ZC3H12B: variants seen among roughly 807,000 people sequenced by gnomAD.
ZC3H12B encodes zinc finger CCCH-type containing 12B, also known as probable ribonuclease ZC3H12B.
A neutral mutation model predicts 43.9 loss-of-function variants in ZC3H12B; 7 were observed. The observed-to-expected ratio is 0.16, with a 90% CI of 0.09 to 0.30. ZC3H12B has a LOEUF of 0.30. Among genes scored for constraint, ZC3H12B ranks in the 10% least tolerant of loss-of-function variants. ZC3H12B has a pLI of 1.00. For synonymous variants in ZC3H12B, 222 were observed against 241.7 expected, an observed-to-expected ratio of 0.92 and a Z score of 0.76; for missense variants, 475 against 670.2, an observed-to-expected ratio of 0.71 and a Z score of 3.22.
chrX:65,289,625 G>A, the ZC3H12B span, among the ~76,000 whole-genome samples: 1 of 109,309 alleles, frequency 9.1e-6, no homozygotes, highest in Non-Finnish European at 1.9e-5. Flanking sequence ...AAAACAGCAT[G>A]GTATTGGTAA....
the ZC3H12B span, among the ~76,000 whole-genome samples, chrX:65,169,098 C>T: frequency 9.0e-6 from 1 of 111,358 alleles, no homozygotes; most frequent in Non-Finnish European, 1.9e-5. Context: ...TTTGCTCTTG[C>T]TTCTCTGGTT....
chrX:65,254,198 A>G, the ZC3H12B span, among the ~76,000 whole-genome samples: 1 of 112,201 alleles, frequency 8.9e-6, no homozygotes, highest in Non-Finnish European at 1.9e-5. Flanking sequence ...GCCCCATGCC[A>G]CCATGCCACT....
At chrX:65,216,860 A>G in the ZC3H12B span, among the ~76,000 whole-genome samples, 1 of 111,838 alleles carries the variant, frequency 8.9e-6, no homozygotes, top group Admixed American at 9.5e-5. Flanking sequence ...GCCATAAGAG[A>G]ATATGTTGCC....
chrX:65,435,362 G>A (rs1458437529), intron 3 of ZC3H12B, among the ~76,000 whole-genome samples: 2 of 111,600 alleles, frequency 1.8e-5, no homozygotes, highest in Non-Finnish European at 3.8e-5. Context: ...ATCATATACA[G>A]AGTCACTAAG....
the ZC3H12B span, among the ~76,000 whole-genome samples, chrX:65,144,247 G>A: frequency 9.0e-6 from 1 of 111,100 alleles, no homozygotes; most frequent in African/African-American, 3.3e-5. Context: ...TCTCTTCTAG[G>A]TTTTCTAGTT....
At chrX:65,426,573 C>G (rs1478662994) in intron 3 of ZC3H12B, among the ~76,000 whole-genome samples, 1 of 110,068 alleles carries the variant, frequency 9.1e-6, no homozygotes, top group Non-Finnish European at 1.9e-5. Context: ...AGGTTGTTAA[C>G]GAGATCTTTC....
intron 3 of ZC3H12B, chrX:65,407,959 G>A (rs1484611792): frequency 1.2e-6 from 1 of 848,594 alleles, no homozygotes; most frequent in Non-Finnish European, 1.6e-6. Flanking sequence ...GCCTGCGTGC[G>A]TGGCCACCTC....
At chrX:65,496,779 A>G (rs2068288622) in intron 1 of ZC3H12B, among the ~76,000 whole-genome samples, 1 of 109,831 alleles carries the variant, frequency 9.1e-6, no homozygotes, top group African/African-American at 3.3e-5. Flanking sequence ...AACATGGCAA[A>G]ACCCCGTCTC....
rs181215086 is a variant in ZC3H12B at position 65,496,157 on chromosome X, G to A, written c.609-975G>A. 3.3e-4 allele frequency among the ~76,000 whole-genome samples: 37 copies of A among 111,745 alleles called. 1 individual carries two copies. Among genetic ancestry groups the A allele is most frequent in the Admixed American group, 3.0e-3 (32 of 10,501 alleles). On this transcript the variant is annotated intron_variant, in intron 1 of 4. Transcript: ENST00000338957. ...TACATAGGTTTTCTTCTACAAAATC[G>A]GTGTTACATTATATATAGTCTGTAT...
the ZC3H12B span, among the ~76,000 whole-genome samples, chrX:65,309,218 G>T: frequency 5.8e-3 from 622 of 107,954 alleles, 7 homozygotes; most frequent in African/African-American, 0.019. Flanking sequence ...TGTTTTTTTT[G>T]AAAAGATCAA....
chrX:65,080,891 GAATC>G, the ZC3H12B span, among the ~76,000 whole-genome samples: 4 of 111,303 alleles, frequency 3.6e-5, no homozygotes, highest in South Asian at 1.1e-3. Context: ...ACTAAATGAT[GAATC>G]AATCATAAAT....
At chrX:65,499,911 C>T in exon 4 of ZC3H12B, 4 of 1,210,918 alleles carry the variant, frequency 3.3e-6, no homozygotes, top group South Asian at 1.8e-5. Flanking sequence ...TCCATTAGGA[C>T]GCCACGGCCC....
At chrX:65,206,864 G>A in the ZC3H12B span, among the ~76,000 whole-genome samples, 172 of 110,737 alleles carry the variant, frequency 1.6e-3, 2 homozygotes, top group African/African-American at 5.6e-3. Flanking sequence ...GAGACAATTT[G>A]CAAAAGAAGA....
At chrX:65,358,805 C>T in the ZC3H12B span, among the ~76,000 whole-genome samples, 252 of 111,685 alleles carry the variant, frequency 2.3e-3, 2 homozygotes, top group African/African-American at 7.6e-3. Context: ...AATTCAAAAG[C>T]TAGCAGAAGG....
chrX:65,235,397 T>C, the ZC3H12B span, among the ~76,000 whole-genome samples: 2 of 111,778 alleles, frequency 1.8e-5, no homozygotes, highest in African/African-American at 6.5e-5. Flanking sequence ...TTTACTGGCA[T>C]GAGATCCTAC....
the ZC3H12B span, among the ~76,000 whole-genome samples, chrX:65,303,796 C>T: frequency 8.0e-5 from 9 of 112,154 alleles, no homozygotes; most frequent in Admixed American, 6.6e-4. Flanking sequence ...TTTACAATAG[C>T]ATAAAAATTA....
the ZC3H12B span, among the ~76,000 whole-genome samples, chrX:65,316,464 AC>A: frequency 5.3e-5 from 6 of 112,179 alleles, no homozygotes; most frequent in African/African-American, 1.9e-4. Flanking sequence ...TTCAACAGAA[AC>A]CTAATAAGCC....
chrX:65,372,013 G>A (rs753131916), intron 2 of ZC3H12B, among the ~76,000 whole-genome samples: 8 of 111,627 alleles, frequency 7.2e-5, no homozygotes, highest in South Asian at 3.7e-4. Flanking sequence ...CTTGTTATTC[G>A]TGTCATAGCA....
Position 65,380,102 on chromosome X carries a change from A to G in ZC3H12B, n.295+11104A>G, listed in dbSNP as rs557099391. On this transcript the variant is annotated intron_variant and non_coding_transcript_variant, in intron 2 of 5. Coordinates refer to the ZC3H12B transcript ENST00000617377. ...CCAACATTCAGATTCAGGAAATACAAAGAACGCCACAAAGATACTCCTTGA... is the reference window on the plus strand; with the variant it reads ...CCAACATTCAGATTCAGGAAATACAGAGAACGCCACAAAGATACTCCTTGA... Among the ~76,000 whole-genome samples the G allele has an allele frequency of 1.9e-4, 21 of 111,591 alleles. No individual in the cohort carries two copies. In the South Asian group the frequency reaches 8.0e-3, roughly 42 times the overall value.
Sources: gnomAD v4.1 joint callset for allele counts (sites outside exome capture counted in the v4.1 genomes callset) on GRCh38, gnomAD v4.1.1 for gene constraint, MANE v1.5 for transcripts, NCBI Gene and HGNC (gene_info 2026-07-23, HGNC 2026-07-21) for gene names.